The following MYO9A variants were observed in gnomAD, a reference collection of about 807,000 sequenced individuals.
The protein encoded by MYO9A is unconventional myosin-IXa.
MYO9A carries 103 observed loss-of-function variants against 293.3 expected under a neutral mutation model. The observed-to-expected ratio is 0.35, with a 90% CI of 0.30 to 0.41. The LOEUF (loss-of-function observed/expected upper bound fraction) is 0.41. Ranked by LOEUF, MYO9A falls within the 10% of genes least tolerant of loss-of-function variation. The pLI is 1.00. For missense variants in MYO9A, 2,685 were observed against 3,033.0 expected (o/e 0.89, Z 2.69); for synonymous variants, 1,001 against 1,035.7 (o/e 0.97, Z 0.64).
At chr15:72,077,742 AAAAAAAAAAAATATATATAT>A (rs1380402117) in intron 1 of MYO9A, among the ~76,000 whole-genome samples, 1 of 33,966 alleles carries the variant, frequency 2.9e-5, no homozygotes, top group Admixed American at 3.6e-4. Flanking sequence ...AGAAAAAAAA[AAAAAAAAAAAATATATATAT>A]ATATATATAT....
intron 1 of MYO9A, among the ~76,000 whole-genome samples, chr15:72,092,098 A>G (rs1247705266): frequency 6.6e-6 from 1 of 152,200 alleles, no homozygotes; most frequent in Non-Finnish European, 1.5e-5. Flanking sequence ...AGGAATTCAG[A>G]GAGATAAGCA....
At chr15:72,110,410 T>C (rs1395441202) in intron 1 of MYO9A, among the ~76,000 whole-genome samples, 6 of 122,954 alleles carry the variant, frequency 4.9e-5, no homozygotes, top group Non-Finnish European at 7.8e-5. Flanking sequence ...CACTCCAGCC[T>C]GGGAGACAGA....
At chr15:72,022,402 C>A (rs1355089559) in intron 4 of MYO9A, among the ~76,000 whole-genome samples, 1 of 151,928 alleles carries the variant, frequency 6.6e-6, no homozygotes, top group Non-Finnish European at 1.5e-5. Context: ...CGCCTGTAGT[C>A]CCAGCTACTC....
intron 1 of MYO9A, among the ~76,000 whole-genome samples, chr15:72,052,342 C>T (rs370292677): frequency 5.9e-5 from 9 of 152,272 alleles, no homozygotes; most frequent in African/African-American, 1.2e-4. Context: ...CTACCCACTG[C>T]GAGTCTCCTC....
intron 1 of MYO9A, among the ~76,000 whole-genome samples, chr15:72,049,552 TC>T (rs1024939894): frequency 8.5e-5 from 13 of 152,160 alleles, no homozygotes; most frequent in African/African-American, 3.1e-4. Flanking sequence ...CCAGTGCCAG[TC>T]CATGGCCTGT....
At chr15:71,976,877 T>C (rs2076159465) in intron 12 of MYO9A, among the ~76,000 whole-genome samples, 2 of 152,248 alleles carry the variant, frequency 1.3e-5, no homozygotes, top group African/African-American at 4.8e-5. Flanking sequence ...CACAATCATC[T>C]TACCTCTAAT....
At chr15:72,104,561 A>C (rs1246629431) in intron 1 of MYO9A, among the ~76,000 whole-genome samples, 2 of 152,250 alleles carry the variant, frequency 1.3e-5, no homozygotes, top group African/African-American at 4.8e-5. Flanking sequence ...GTCATGGTAG[A>C]TGCTCAAATA....
chr15:72,056,583 T>G (rs2078725184), intron 1 of MYO9A, among the ~76,000 whole-genome samples: 1 of 152,180 alleles, frequency 6.6e-6, no homozygotes, highest in Non-Finnish European at 1.5e-5. Context: ...CTTTGGGGAC[T>G]TGGGGGAAAA....
chr15:72,044,020 T>C (rs1451347236), intron 2 of MYO9A, among the ~76,000 whole-genome samples: 1 of 151,616 alleles, frequency 6.6e-6, no homozygotes, highest in African/African-American at 2.4e-5. Flanking sequence ...GTCTGCAGTG[T>C]AGAATGGCAA....
intron 1 of MYO9A, among the ~76,000 whole-genome samples, chr15:72,085,669 G>C (rs748649836): frequency 2.6e-5 from 4 of 152,344 alleles, no homozygotes; most frequent in African/African-American, 7.2e-5. Context: ...TGGAAAGCCA[G>C]TGTGGTTGTC....
intron 10 of MYO9A, chr15:71,993,751 C>T (rs1276953907): frequency 5.3e-5 from 8 of 152,156 alleles, no homozygotes; most frequent in Non-Finnish European, 1.5e-5. Context: ...AGATGAATCA[C>T]CTGAGGTCAA....
At chr15:71,984,078 T>G (rs1386461899) in intron 11 of MYO9A, among the ~76,000 whole-genome samples, 1 of 152,220 alleles carries the variant, frequency 6.6e-6, no homozygotes, top group Non-Finnish European at 1.5e-5. Flanking sequence ...GGGGTGAAAC[T>G]GTCATAATTT....
In MYO9A at chr15:71,883,643, C is replaced by T. The variant is rs766329032; in HGVS notation, c.5349G>A (p.Ser1783=). Residue 1783 remains serine, a synonymous_variant, in exon 28 of 42, where the codon TCG becomes TCA. Transcript: ENST00000356056. ...TCACATCTGTGCCTGCAAAGAGTGG[C>T]GAAACCTCTGACTGGGTAGTAGGTT... The part of the protein sequence containing the change: ...RVKPTTQSEV[S]PLFAGTDVIP... The T allele has an allele frequency of 1.2e-5, 20 of 1,613,434 alleles. No homozygotes were observed. The highest frequency in any genetic ancestry group is 5.3e-5 in the African/African-American group (4 of 74,874).
At chr15:72,003,637 G>A (rs1213419597) in intron 8 of MYO9A, among the ~76,000 whole-genome samples, 2 of 150,656 alleles carry the variant, frequency 1.3e-5, no homozygotes, top group Non-Finnish European at 2.9e-5. Flanking sequence ...CCAGGAAGCG[G>A]AGCTTGCAGT....
intron 1 of MYO9A, among the ~76,000 whole-genome samples, chr15:72,093,358 T>A (rs1352611007): frequency 1.3e-5 from 2 of 151,666 alleles, no homozygotes; most frequent in Non-Finnish European, 2.9e-5. Context: ...TGAGACCCTG[T>A]CTCTACAAAA....
intron 1 of MYO9A, among the ~76,000 whole-genome samples, chr15:72,082,370 T>C (rs1354734628): frequency 6.6e-6 from 1 of 152,212 alleles, no homozygotes; most frequent in Admixed American, 6.5e-5. Flanking sequence ...TTTCTGTATG[T>C]TGGTTTTATA....
intron 18 of MYO9A, among the ~76,000 whole-genome samples, chr15:71,919,832 A>T (rs2058107093): frequency 1.0e-5 from 1 of 99,682 alleles, no homozygotes; most frequent in African/African-American, 4.0e-5. Flanking sequence ...ACAGAATAAG[A>T]CTCCATCTCA....
intron 2 of MYO9A, chr15:72,041,306 T>C: frequency 1.2e-6 from 1 of 834,938 alleles, no homozygotes. Context: ...GTTCACTTTC[T>C]GGCAGTTTAA....
chr15:71,973,082 A>G (rs1016194927), intron 12 of MYO9A, among the ~76,000 whole-genome samples: 1 of 152,146 alleles, frequency 6.6e-6, no homozygotes, highest in African/African-American at 2.4e-5. Context: ...AGCTGGATAA[A>G]CCTCAGATCT....
Sources: allele counts gnomAD v4.1 joint callset (sites outside exome capture counted in the v4.1 genomes callset), GRCh38; gene constraint gnomAD v4.1.1; transcripts MANE v1.5; gene names NCBI Gene and HGNC (gene_info 2026-07-23, HGNC 2026-07-21).